The following GABRG3 variants were observed in gnomAD, a reference collection of about 807,000 sequenced individuals.
GABRG3 encodes gamma-aminobutyric acid type A receptor subunit gamma3.
In GABRG3, 25 loss-of-function variants were observed where a neutral mutation model predicts 48.8. That is an observed-to-expected ratio of 0.51 (90% CI 0.37 to 0.72). GABRG3 has a LOEUF of 0.72. Ranked by LOEUF, GABRG3 falls within the 30% of genes least tolerant of loss-of-function variation. The pLI, the probability that GABRG3 is intolerant of heterozygous loss-of-function variation, is 0.00. For synonymous variants in GABRG3, 227 were observed against 217.6 expected (o/e 1.04, Z -0.38); for missense variants, 394 against 577.9 (o/e 0.68, Z 3.26).
At chr15:27,105,395 A>T (rs1302035704) in intron 3 of GABRG3, among the ~76,000 whole-genome samples, 2 of 152,170 alleles carry the variant, frequency 1.3e-5, no homozygotes, top group Non-Finnish European at 2.9e-5. Context: ...TCAGCCAATC[A>T]ACCAACAAGA....
chr15:27,199,247 T>G (rs1888605094), intron 3 of GABRG3, among the ~76,000 whole-genome samples: 1 of 152,200 alleles, frequency 6.6e-6, no homozygotes, highest in Non-Finnish European at 1.5e-5. Context: ...GGATAGCCAT[T>G]ATATGAGTCT....
At chr15:27,468,178 T>A (rs1406544319) in intron 5 of GABRG3, among the ~76,000 whole-genome samples, 1 of 152,080 alleles carries the variant, frequency 6.6e-6, no homozygotes, top group African/African-American at 2.4e-5. Context: ...CAAGGATGAG[T>A]CAGAATACAG....
chr15:27,509,896 G>T (rs746946293), intron 6 of GABRG3, among the ~76,000 whole-genome samples: 2 of 152,068 alleles, frequency 1.3e-5, no homozygotes, highest in Non-Finnish European at 1.5e-5. Context: ...TTTGGTTTTT[G>T]TATGTCCCAT....
At chr15:27,144,993 A>G (rs193076197) in intron 3 of GABRG3, among the ~76,000 whole-genome samples, 1 of 152,308 alleles carries the variant, frequency 6.6e-6, no homozygotes, top group Admixed American at 6.5e-5. Flanking sequence ...CAAACAAACA[A>G]ATACAGCAAC....
chr15:27,215,801 G>C (rs1317550300), intron 3 of GABRG3, among the ~76,000 whole-genome samples: 1 of 152,166 alleles, frequency 6.6e-6, no homozygotes, highest in Non-Finnish European at 1.5e-5. Flanking sequence ...AAGCTTTGCT[G>C]TGCCTTTGTA....
At chr15:27,067,192 A>G (rs59047561) in intron 3 of GABRG3, among the ~76,000 whole-genome samples, 31,448 of 152,034 alleles carry the variant, frequency 0.21, 3,370 homozygotes, top group Middle Eastern at 0.26. Flanking sequence ...GCTGGTGAAG[A>G]CGTGGCACTC....
intron 3 of GABRG3, chr15:27,158,231 C>A (rs1349422813): frequency 6.6e-6 from 1 of 152,084 alleles, no homozygotes; most frequent in Non-Finnish European, 1.5e-5. Context: ...GTAAATTACA[C>A]CAGGACAGAG....
intron 5 of GABRG3, chr15:27,420,746 T>G (rs1888088203): frequency 6.6e-6 from 1 of 152,182 alleles, no homozygotes; most frequent in African/African-American, 2.4e-5. Flanking sequence ...ATTAAAGAGG[T>G]GCAGGCAGGA....
At position 27,519,832 on chromosome 15, in the gene GABRG3, A is replaced by T. The variant is rs1891116862; in HGVS notation, c.713-140A>T. On this transcript the variant is annotated intron_variant, in intron 6 of 9. Coordinates refer to ENST00000615808, the MANE Select transcript of GABRG3 (RefSeq NM_033223.5). ...TAAGTTTAAGAAAACCAGCATTTTG[A>T]TCCATTTCCTGATTTGATATTGTTG... is the stretch of plus-strand genomic sequence containing the variant. 4.5e-6 allele frequency: 3 copies of T among 664,502 alleles called. No individual in the cohort carries two copies. The Admixed American group carries it at 9.7e-5, about 22-fold the overall frequency. 41.2% of individuals were successfully genotyped at this position (664,502 alleles called of 1,614,324 possible). A position where few individuals can be genotyped will look rare whatever the true frequency, so the allele number is the denominator to read the frequency against.
At chr15:27,287,529 A>G (rs1891654228) in intron 3 of GABRG3, among the ~76,000 whole-genome samples, 1 of 152,220 alleles carries the variant, frequency 6.6e-6, no homozygotes, top group Non-Finnish European at 1.5e-5. Context: ...ACTTTGGAGC[A>G]TAATGTGATA....
At chr15:27,051,973 A>C (rs1011083154) in intron 3 of GABRG3, among the ~76,000 whole-genome samples, 2 of 152,152 alleles carry the variant, frequency 1.3e-5, no homozygotes, top group African/African-American at 4.8e-5. Context: ...GTGAGAATCT[A>C]ATGCTGCCAC....
intron 3 of GABRG3, among the ~76,000 whole-genome samples, chr15:27,078,736 G>A (rs1043095627): frequency 2.6e-5 from 4 of 152,086 alleles, no homozygotes; most frequent in African/African-American, 7.2e-5. Context: ...AGTGTCTTTC[G>A]CATGAGGACC....
At chr15:27,237,392 C>T (rs537665356) in intron 3 of GABRG3, among the ~76,000 whole-genome samples, 1 of 152,106 alleles carries the variant, frequency 6.6e-6, no homozygotes, top group Non-Finnish European at 1.5e-5. Flanking sequence ...CATGTTTTTC[C>T]AAGACTTTTG....
chr15:26,984,653 A>G (rs1895118732), intron 2 of GABRG3, among the ~76,000 whole-genome samples: 1 of 151,612 alleles, frequency 6.6e-6, no homozygotes, highest in Non-Finnish European at 1.5e-5. Context: ...TTGTCATGTG[A>G]GCTGGGAAAG....
At chr15:27,342,684 A>G (rs1894226113) in intron 5 of GABRG3, among the ~76,000 whole-genome samples, 1 of 152,180 alleles carries the variant, frequency 6.6e-6, no homozygotes, top group South Asian at 2.1e-4. Flanking sequence ...TTATTCGAAA[A>G]CAGCTTATTT....
At chr15:27,521,581 T>G (rs1891160751) in intron 7 of GABRG3, among the ~76,000 whole-genome samples, 1 of 152,104 alleles carries the variant, frequency 6.6e-6, no homozygotes, top group African/African-American at 2.4e-5. Flanking sequence ...TCAGTAGGCA[T>G]GGACTTTAAC....
intron 3 of GABRG3, among the ~76,000 whole-genome samples, chr15:27,308,215 T>TA (rs1892776878): frequency 6.4e-5 from 3 of 46,946 alleles, no homozygotes; most frequent in African/African-American, 3.4e-4. Flanking sequence ...TATCCAAACA[T>TA]ATATAAACAT....
At chr15:27,340,841 C>T (rs1016599244) in intron 5 of GABRG3, 9 of 285,952 alleles carry the variant, frequency 3.1e-5, no homozygotes, top group Non-Finnish European at 5.6e-5. Flanking sequence ...AAAGCAAGGA[C>T]GACTTTGCTA....
intron 2 of GABRG3, among the ~76,000 whole-genome samples, chr15:27,007,006 T>A (rs7166211): frequency 0.49 from 73,439 of 151,388 alleles, 18,497 homozygotes; most frequent in Middle Eastern, 0.61. Context: ...TCCAGAGTTG[T>A]TGGGTATTTA....
Sources: gnomAD v4.1 joint callset for allele counts (sites outside exome capture counted in the v4.1 genomes callset) on GRCh38, gnomAD v4.1.1 for gene constraint, MANE v1.5 for transcripts, NCBI Gene and HGNC (gene_info 2026-07-23, HGNC 2026-07-21) for gene names.